CADM2: variants seen among roughly 807,000 people sequenced by gnomAD.
The protein encoded by CADM2 is cell adhesion molecule 2.
A neutral mutation model predicts 49.8 loss-of-function variants in CADM2; 12 were observed. The observed-to-expected ratio is 0.24, with a 90% CI of 0.15 to 0.39. The LOEUF (loss-of-function observed/expected upper bound fraction) is 0.39. Among genes scored for constraint, CADM2 ranks in the 10% least tolerant of loss-of-function variants. The pLI, the probability that CADM2 is intolerant of heterozygous loss-of-function variation, is 1.00. For synonymous variants in CADM2, 214 were observed against 175.4 expected (o/e 1.22, Z -1.74); for missense variants, 378 against 492.3 (o/e 0.77, Z 2.20).
intron 7 of CADM2, among the ~76,000 whole-genome samples, chr3:85,937,986 C>T (rs867849215): frequency 6.6e-6 from 1 of 151,972 alleles, no homozygotes; most frequent in Non-Finnish European, 1.5e-5. Context: ...GTATTATATT[C>T]TCATTCACAA....
intron 1 of CADM2, among the ~76,000 whole-genome samples, chr3:85,620,912 T>G (rs2063956285): frequency 6.6e-6 from 1 of 152,128 alleles, no homozygotes; most frequent in Non-Finnish European, 1.5e-5. Flanking sequence ...ACAGTCAATT[T>G]TTTTGGAATT....
At chr3:86,032,479 T>C (rs754488587) in intron 8 of CADM2, among the ~76,000 whole-genome samples, 12 of 151,898 alleles carry the variant, frequency 7.9e-5, no homozygotes, top group Non-Finnish European at 1.8e-4. Flanking sequence ...AAGAAAACCT[T>C]TTAATGCATT....
At chr3:85,037,461 A>C (rs2035267371) in intron 1 of CADM2, among the ~76,000 whole-genome samples, 1 of 152,160 alleles carries the variant, frequency 6.6e-6, no homozygotes, top group African/African-American at 2.4e-5. Context: ...ATCACTAACC[A>C]TATGTTACTC....
chr3:85,606,260 G>A (rs9849430), intron 1 of CADM2, among the ~76,000 whole-genome samples: 1 of 151,656 alleles, frequency 6.6e-6, no homozygotes, highest in African/African-American at 2.4e-5. Flanking sequence ...TCATTTTTTT[G>A]ATTTAAAAGT....
chr3:85,034,885 C>T (rs769608264), intron 1 of CADM2, among the ~76,000 whole-genome samples: 52 of 148,584 alleles, frequency 3.5e-4, no homozygotes, highest in Non-Finnish European at 5.9e-4. Flanking sequence ...TCACTGCAAC[C>T]TCCACCTCCT....
At chr3:85,958,660 A>G (rs1724382933) in intron 7 of CADM2, among the ~76,000 whole-genome samples, 1 of 151,996 alleles carries the variant, frequency 6.6e-6, no homozygotes. Flanking sequence ...AATGCCCATC[A>G]ATGATAGACT....
chr3:85,271,674 T>C (rs2043246694), intron 1 of CADM2, among the ~76,000 whole-genome samples: 1 of 151,030 alleles, frequency 6.6e-6, no homozygotes, highest in South Asian at 2.1e-4. Flanking sequence ...AGTAACTCAG[T>C]CATTCCCAGA....
rs537623558 is a variant in CADM2 at position 85,282,747 on chromosome 3, C to A, written c.61+323079C>A. On this transcript the variant is annotated intron_variant, in intron 1 of 9. Transcript: ENST00000383699. ...TTTATTTCATTCTGCATATTTCTAG[C>A]TTATTAAAACAATAGAACTGTAATA... is the stretch of plus-strand genomic sequence containing the variant. Among the ~76,000 whole-genome samples, 273 of 152,008 alleles carry A rather than the reference C, an allele frequency of 1.8e-3. 1 individual carries two copies. Among genetic ancestry groups the A allele is most frequent in the African/African-American group, 6.3e-3 (263 of 41,498 alleles).
At chr3:85,686,768 C>T (rs1032100458) in intron 1 of CADM2, among the ~76,000 whole-genome samples, 15 of 152,164 alleles carry the variant, frequency 9.9e-5, no homozygotes, top group African/African-American at 3.6e-4. Context: ...GAAATAAATG[C>T]ATATCTCATT....
intron 8 of CADM2, among the ~76,000 whole-genome samples, chr3:85,983,188 G>T (rs1190393460): frequency 6.6e-6 from 1 of 151,638 alleles, no homozygotes; most frequent in Non-Finnish European, 1.5e-5. Flanking sequence ...ACACTGGATT[G>T]ACAGTGTCAT....
At chr3:85,357,055 ATAAACT>A (rs1487575514) in intron 1 of CADM2, among the ~76,000 whole-genome samples, 1 of 152,104 alleles carries the variant, frequency 6.6e-6, no homozygotes, top group Non-Finnish European at 1.5e-5. Flanking sequence ...TTACATTGAG[ATAAACT>A]TAAATTGAAA....
chr3:85,084,221 T>A (rs1349000770), intron 1 of CADM2, among the ~76,000 whole-genome samples: 1 of 152,194 alleles, frequency 6.6e-6, no homozygotes, highest in East Asian at 1.9e-4. Flanking sequence ...TGCAAAATAA[T>A]TCTTTGAAGT....
intron 1 of CADM2, among the ~76,000 whole-genome samples, chr3:85,719,585 T>A (rs1392570575): frequency 6.6e-6 from 1 of 152,192 alleles, no homozygotes; most frequent in Non-Finnish European, 1.5e-5. Context: ...TATTTACTCT[T>A]CATTAAGTGG....
At chr3:85,239,122 A>G (rs1376423286) in intron 1 of CADM2, among the ~76,000 whole-genome samples, 2 of 151,856 alleles carry the variant, frequency 1.3e-5, no homozygotes, top group Non-Finnish European at 2.9e-5. Context: ...TTATCACTCA[A>G]TGTCATGATC....
chr3:85,535,900 T>C (rs2061413105), intron 1 of CADM2, among the ~76,000 whole-genome samples: 1 of 152,136 alleles, frequency 6.6e-6, no homozygotes, highest in African/African-American at 2.4e-5. Context: ...ATGCTGTGTG[T>C]AGAAGGAATA....
intron 1 of CADM2, among the ~76,000 whole-genome samples, chr3:85,576,569 T>G (rs998194063): frequency 6.6e-6 from 1 of 152,216 alleles, no homozygotes; most frequent in African/African-American, 2.4e-5. Context: ...AATATTAGTA[T>G]AAAGTAACTA....
At chr3:85,760,866 G>T (rs2069338877) in intron 2 of CADM2, among the ~76,000 whole-genome samples, 1 of 151,976 alleles carries the variant, frequency 6.6e-6, no homozygotes, top group South Asian at 2.1e-4. Flanking sequence ...TGAAAAATAG[G>T]TAATAAATTA....
Position 85,826,179 on chromosome 3 carries a change from A to G in CADM2, c.238+23983A>G, listed in dbSNP as rs28545294. ...ATCATTCTGATATGACTCATTTATT[A>G]TATATTTTTCAAGTACATTATCAAT... On this transcript the variant is annotated intron_variant, in intron 3 of 9. Transcript: ENST00000383699. 2.6e-3 allele frequency among the ~76,000 whole-genome samples: 403 copies of G among 152,138 alleles called. 1 individual carries two copies. The highest frequency in any genetic ancestry group is 9.3e-3 in the African/African-American group (386 of 41,554).
At chr3:85,322,303 T>C (rs1347517887) in intron 1 of CADM2, among the ~76,000 whole-genome samples, 1 of 152,212 alleles carries the variant, frequency 6.6e-6, no homozygotes, top group Non-Finnish European at 1.5e-5. Flanking sequence ...TTCCTCAAGA[T>C]GTCATTTTAG....
Sources: gnomAD v4.1 joint callset for allele counts (sites outside exome capture counted in the v4.1 genomes callset) on GRCh38, gnomAD v4.1.1 for gene constraint, MANE v1.5 for transcripts, NCBI Gene and HGNC (gene_info 2026-07-23, HGNC 2026-07-21) for gene names.